Variants in PPM1L observed in about 807,000 individuals in gnomAD.
The protein encoded by PPM1L is protein phosphatase 1L.
A neutral mutation model predicts 31.4 loss-of-function variants in PPM1L; 13 were observed. That is an observed-to-expected ratio of 0.41 (90% CI 0.27 to 0.66). The LOEUF (loss-of-function observed/expected upper bound fraction) is 0.66. Ranked by LOEUF, PPM1L falls within the 30% of genes least tolerant of loss-of-function variation. The pLI is 0.29. For synonymous variants in PPM1L, 184 were observed against 175.4 expected (o/e 1.05, Z -0.39); for missense variants, 326 against 453.7 (o/e 0.72, Z 2.56).
Position 161,064,648 on chromosome 3 carries a change from G to A in PPM1L, c.575-755G>A, listed in dbSNP as rs147532966. Among the ~76,000 whole-genome samples the A allele has an allele frequency of 2.3e-3, 350 of 152,232 alleles. 4 individuals are homozygous for A. Among genetic ancestry groups the A allele is most frequent in the East Asian group, 0.022 (114 of 5,162 alleles). ...GGGCAGGCTCCAACTAGACCAGACCGTTCAACTCTGTTTGCTTTTATCCAT... is the reference window on the plus strand; with the variant it reads ...GGGCAGGCTCCAACTAGACCAGACCATTCAACTCTGTTTGCTTTTATCCAT... On this transcript the variant is annotated intron_variant, in intron 2 of 3. Transcript: ENST00000498165.
Position 160,944,947 on chromosome 3 carries a change from TATATATAACTATATAACA to T in PPM1L, c.400-16788_400-16771del, listed in dbSNP as rs1196312112. On this transcript the variant is annotated intron_variant, in intron 1 of 3. Transcript: ENST00000498165. ...TGGAGATATATATATTATATATAACTATATATAACTATATAACATATATTATATATAACTATATATAAC... is the reference window on the plus strand; with the variant it reads ...TGGAGATATATATATTATATATAACTTATATTATATATAACTATATATAAC... 2.1e-3 allele frequency among the ~76,000 whole-genome samples: 120 copies of T among 57,440 alleles called. 10 individuals carry two copies. The highest frequency in any genetic ancestry group is 4.5e-3 in the East Asian group (16 of 3,536). The allele number at this position is 57,440 out of a possible 152,430, so 37.7% of individuals were successfully genotyped here. A position where few individuals can be genotyped will look rare whatever the true frequency, so the allele number is the denominator to read the frequency against.
At chr3:160,959,208 A>G (rs995681345) in intron 1 of PPM1L, among the ~76,000 whole-genome samples, 2 of 152,210 alleles carry the variant, frequency 1.3e-5, no homozygotes, top group African/African-American at 4.8e-5. Flanking sequence ...TGGAAAACCA[A>G]ATATCATAAA....
At chr3:160,885,747 C>T (rs765079605) in intron 1 of PPM1L, among the ~76,000 whole-genome samples, 26 of 152,228 alleles carry the variant, frequency 1.7e-4, no homozygotes, top group Non-Finnish European at 3.2e-4. Flanking sequence ...CACCTACCCA[C>T]GCCACGGGGT....
chr3:160,756,783 GTGTGTGTA>G lies in PPM1L; in HGVS notation c.399+78_399+85del, dbSNP rs1315525515. ...TGTGTGTGTGTGTGTGTGTGTGTGTGTGTGTGTATAAACAACAGGACAGCGTGTGCGCA... is the reference window on the plus strand; with the variant it reads ...TGTGTGTGTGTGTGTGTGTGTGTGTGTAAACAACAGGACAGCGTGTGCGCA... On this transcript the variant is annotated intron_variant, in intron 1 of 3. Coordinates refer to ENST00000498165, the MANE Select transcript of PPM1L (RefSeq NM_139245.4). This position sits in a 1 kb window ranked among gnomAD's most constrained non-coding sequence, Gnocchi z 6.2. The G allele has an allele frequency of 3.0e-4, 428 of 1,416,624 alleles. No homozygotes were observed. In the African/African-American group the frequency reaches 5.0e-3, roughly 16 times the overall value. 87.8% of individuals were successfully genotyped at this position (1,416,624 alleles called of 1,614,324 possible).
rs188735796 is a variant in PPM1L, at chr3:161,030,215, C to T, written c.575-35188C>T. On this transcript the variant is annotated intron_variant, in intron 2 of 3. Coordinates refer to ENST00000498165, the MANE Select transcript of PPM1L (RefSeq NM_139245.4). ...ACTAAAAGATAGGGCCTTTAGGAGA[C>T]GATTAAGGATTAGTGACCTTATGAA... Among the ~76,000 whole-genome samples, 26 of 152,224 alleles carry T rather than the reference C, an allele frequency of 1.7e-4. No homozygotes were observed. In the East Asian group the frequency reaches 4.2e-3, roughly 25 times the overall value.
At chr3:161,060,927 A>G (rs1719553206) in intron 2 of PPM1L, among the ~76,000 whole-genome samples, 1 of 152,046 alleles carries the variant, frequency 6.6e-6, no homozygotes. Flanking sequence ...GATGGAATAA[A>G]TATTTTATCT....
chr3:160,981,775 T>TA (rs57658997), intron 2 of PPM1L, among the ~76,000 whole-genome samples: 4 of 147,706 alleles, frequency 2.7e-5, no homozygotes, highest in African/African-American at 7.5e-5. Context: ...TTTATTTATT[T>TA]TTATTGAGAT....
chr3:160,829,733 G>T (rs1371912269), intron 1 of PPM1L, among the ~76,000 whole-genome samples: 1 of 152,186 alleles, frequency 6.6e-6, no homozygotes, highest in Non-Finnish European at 1.5e-5. Context: ...CAGAGATATG[G>T]TTGAGCATTA....
chr3:160,888,837 A>C (rs1227702119), intron 1 of PPM1L, among the ~76,000 whole-genome samples: 1 of 152,232 alleles, frequency 6.6e-6, no homozygotes, highest in Non-Finnish European at 1.5e-5. Flanking sequence ...CAGTGCAGTT[A>C]CATGGAAATT....
At position 161,071,268 on chromosome 3, in the gene PPM1L, C is replaced by T. The variant is rs1011314050; in HGVS notation, c.*2111C>T. 1 of 152,188 alleles carries T rather than the reference C, an allele frequency of 6.6e-6. No homozygotes were observed. Among genetic ancestry groups the T allele is most frequent in the Non-Finnish European group, 1.5e-5 (1 of 68,044 alleles). The allele number at this position is 152,188 out of a possible 1,614,324, so 9.4% of individuals were successfully genotyped here. On this transcript the variant is annotated 3_prime_UTR_variant, in exon 4 of 4. Transcript: ENST00000498165. The stretch of plus-strand genomic sequence containing the variant: ...CCAATGGTGTCAGCACTTTACAGCC[C>T]ATAGCCAACTTTCTTTATTTTTAAC...
rs548657930 is a variant in PPM1L, at chr3:160,787,589, A to G, written c.399+30882A>G. Among the ~76,000 whole-genome samples, 513 of 152,194 alleles carry G rather than the reference A, an allele frequency of 3.4e-3. 3 individuals are homozygous for G. The highest frequency in any genetic ancestry group is 0.017 in the Middle Eastern group (5 of 294). On this transcript the variant is annotated intron_variant, in intron 1 of 3. Transcript: ENST00000498165. Reference sequence around the variant, plus strand: ...TTGATAGTTTCTTTTGCTGTGCAGAAGCTCTTTAGTTTAACTAGGTCCCAT... The same window carrying G: ...TTGATAGTTTCTTTTGCTGTGCAGAGGCTCTTTAGTTTAACTAGGTCCCAT...
intron 2 of PPM1L, among the ~76,000 whole-genome samples, chr3:161,042,848 G>A (rs1054590123): frequency 7.9e-5 from 12 of 151,806 alleles, no homozygotes; most frequent in South Asian, 2.1e-4. Context: ...GTGAAACCCC[G>A]TCTCTACTAA....
chr3:160,794,477 G>A (rs1011844627), intron 1 of PPM1L, among the ~76,000 whole-genome samples: 3 of 152,164 alleles, frequency 2.0e-5, no homozygotes, highest in African/African-American at 7.2e-5. Context: ...CATTTGGTAT[G>A]AGAGGAAAAG....
intron 1 of PPM1L, among the ~76,000 whole-genome samples, chr3:160,923,544 A>G (rs779236431): frequency 6.6e-6 from 1 of 152,234 alleles, no homozygotes; most frequent in African/African-American, 2.4e-5. Context: ...ACCCATGGCA[A>G]CACTTGGGAA....
At chr3:160,928,553 C>T (rs977941673) in intron 1 of PPM1L, among the ~76,000 whole-genome samples, 7 of 152,190 alleles carry the variant, frequency 4.6e-5, no homozygotes, top group African/African-American at 1.7e-4. Flanking sequence ...AATATGATAG[C>T]ATACAAAGAG....
rs149654588 is a variant in PPM1L, at chr3:160,862,133, T to A, written c.400-99603T>A. 2.4e-3 allele frequency among the ~76,000 whole-genome samples: 368 copies of A among 152,312 alleles called. 2 individuals are homozygous for A. The highest frequency in any genetic ancestry group is 0.01 in the Middle Eastern group (3 of 294). On this transcript the variant is annotated intron_variant, in intron 1 of 3. Transcript: ENST00000498165. ...ATTCTGCCTACCACACTGATGATGA[T>A]GATGCTAATGAAGATGATGAGGAAA...
chr3:161,053,193 G>A (rs1470614976), intron 2 of PPM1L, among the ~76,000 whole-genome samples: 1 of 152,190 alleles, frequency 6.6e-6, no homozygotes, highest in Non-Finnish European at 1.5e-5. Context: ...AATTCAGGTT[G>A]TGATTATGTA....
intron 1 of PPM1L, among the ~76,000 whole-genome samples, chr3:160,793,508 CT>C (rs1213789454): frequency 6.6e-6 from 1 of 152,154 alleles, no homozygotes; most frequent in African/African-American, 2.4e-5. Flanking sequence ...TAAGTTACCC[CT>C]ATGTCAGGCC....
intron 1 of PPM1L, among the ~76,000 whole-genome samples, chr3:160,848,113 T>C (rs1714138442): frequency 6.6e-6 from 1 of 152,200 alleles, no homozygotes; most frequent in Admixed American, 6.5e-5. Flanking sequence ...TTCCTATTGC[T>C]CCCGACACAT....
Sources: gnomAD v4.1 joint callset for allele counts (sites outside exome capture counted in the v4.1 genomes callset) on GRCh38, gnomAD v4.1.1 for gene constraint, Gnocchi (gnomAD v3.1) non-coding constraint, MANE v1.5 for transcripts, NCBI Gene and HGNC (gene_info 2026-07-23, HGNC 2026-07-21) for gene names.